Variants in STK33 observed in about 807,000 individuals in gnomAD.
STK33 encodes the protein serine/threonine-protein kinase 33.
STK33 carries 52 observed loss-of-function variants against 58.0 expected under a neutral mutation model. That is an observed-to-expected ratio of 0.90 (90% CI 0.72 to 1.13). STK33 has a LOEUF of 1.13. STK33 is among the 50% of genes most tolerant of loss of function. The pLI is 0.00. For missense variants in STK33, 630 were observed against 604.2 expected, an observed-to-expected ratio of 1.04 and a Z score of -0.45; for synonymous variants, 215 against 200.1, an observed-to-expected ratio of 1.07 and a Z score of -0.63.
intron 14 of STK33, among the ~76,000 whole-genome samples, chr11:8,415,880 T>TAGTC (rs1941047932): frequency 6.6e-6 from 1 of 152,118 alleles, no homozygotes; most frequent in South Asian, 2.1e-4. Context: ...TAAACAGCAT[T>TAGTC]AGTCCCCCAA....
At chr11:8,572,532 C>A (rs1957898166) in intron 1 of STK33, among the ~76,000 whole-genome samples, 1 of 152,034 alleles carries the variant, frequency 6.6e-6, no homozygotes, top group African/African-American at 2.4e-5. Flanking sequence ...ACATGTCTAA[C>A]AGGGTAGAGA....
intron 8 of STK33, among the ~76,000 whole-genome samples, chr11:8,457,869 C>A (rs753298678): frequency 6.6e-6 from 1 of 152,170 alleles, no homozygotes; most frequent in Non-Finnish European, 1.5e-5. Context: ...ATGGTATTTA[C>A]AAAGACTCCA....
chr11:8,543,487 C>A (rs986300684), intron 1 of STK33, among the ~76,000 whole-genome samples: 1 of 151,912 alleles, frequency 6.6e-6, no homozygotes, highest in Non-Finnish European at 1.5e-5. Flanking sequence ...GTGAAATAAA[C>A]CAGGCACAGA....
chr11:8,564,376 AC>A (rs1388909446), intron 1 of STK33, among the ~76,000 whole-genome samples: 7 of 152,230 alleles, frequency 4.6e-5, no homozygotes, highest in African/African-American at 1.4e-4. Context: ...CTCTGGCCTT[AC>A]GCAATTCTGC....
chr11:8,424,326 T>C (rs1942401905), intron 14 of STK33, among the ~76,000 whole-genome samples: 1 of 150,620 alleles, frequency 6.6e-6, no homozygotes, highest in African/African-American at 2.5e-5. Context: ...ACTCATCATT[T>C]TTTATGGCTG....
the STK33 span, among the ~76,000 whole-genome samples, chr11:8,367,377 G>T: frequency 6.6e-6 from 1 of 152,194 alleles, no homozygotes. Context: ...CCATGCTGAC[G>T]TGTGTTCACA....
chr11:8,348,435 A>G, the STK33 span, among the ~76,000 whole-genome samples: 1 of 152,096 alleles, frequency 6.6e-6, no homozygotes, highest in African/African-American at 2.4e-5. Context: ...CCCTTATAAA[A>G]CCATCAGGAT....
chr11:8,344,914 T>G, the STK33 span, among the ~76,000 whole-genome samples: 1 of 152,224 alleles, frequency 6.6e-6, no homozygotes, highest in East Asian at 1.9e-4. Flanking sequence ...TCCCAGTCCC[T>G]GGTCTTCTCA....
chr11:8,362,981 A>G, the STK33 span, among the ~76,000 whole-genome samples: 1 of 150,838 alleles, frequency 6.6e-6, no homozygotes, highest in African/African-American at 2.4e-5. Flanking sequence ...TGACAGGGTC[A>G]CGCACTGCAC....
At chr11:8,405,649 G>C (rs973954881) in intron 15 of STK33, among the ~76,000 whole-genome samples, 2 of 152,140 alleles carry the variant, frequency 1.3e-5, no homozygotes, top group Non-Finnish European at 1.5e-5. Flanking sequence ...ATGGAAGATA[G>C]TCTCTTATGT....
At chr11:8,507,692 T>C (rs1951973030) in intron 1 of STK33, among the ~76,000 whole-genome samples, 1 of 152,086 alleles carries the variant, frequency 6.6e-6, no homozygotes, top group African/African-American at 2.4e-5. Flanking sequence ...AATCAGAAAT[T>C]GATTGGGTAA....
At chr11:8,375,119 T>G in the STK33 span, among the ~76,000 whole-genome samples, 9 of 152,368 alleles carry the variant, frequency 5.9e-5, no homozygotes, top group East Asian at 3.9e-4. Context: ...CTTGCAAGGT[T>G]TGAAGAGATG....
intron 1 of STK33, among the ~76,000 whole-genome samples, chr11:8,487,439 AAAAG>A (rs1263950750): frequency 4.6e-5 from 7 of 151,098 alleles, no homozygotes; most frequent in Admixed American, 1.3e-4. Flanking sequence ...AAAAAAAAAA[AAAAG>A]AGAGAGAGAG....
chr11:8,542,890 T>C (rs1955631631), intron 1 of STK33, among the ~76,000 whole-genome samples: 2 of 152,262 alleles, frequency 1.3e-5, no homozygotes, highest in Admixed American at 6.5e-5. Context: ...TTGTATTTTT[T>C]TGTAGAAACG....
At chr11:8,507,620 G>A (rs1951962612) in intron 1 of STK33, among the ~76,000 whole-genome samples, 1 of 152,034 alleles carries the variant, frequency 6.6e-6, no homozygotes, top group South Asian at 2.1e-4. Flanking sequence ...ACTAAATAAG[G>A]GGGATGGGGG....
chr11:8,559,829 A>T (rs1255876195), intron 1 of STK33, among the ~76,000 whole-genome samples: 3 of 152,100 alleles, frequency 2.0e-5, no homozygotes, highest in Non-Finnish European at 2.9e-5. Context: ...ACATTCTAGA[A>T]ATTTTCTTTG....
chr11:8,498,794 C>G (rs1189908444), intron 1 of STK33, among the ~76,000 whole-genome samples: 3 of 152,182 alleles, frequency 2.0e-5, no homozygotes, highest in African/African-American at 7.2e-5. Context: ...CTACAATCAT[C>G]TGATCTTTGA....
chr11:8,484,867 A>G (rs377315806), intron 1 of STK33, among the ~76,000 whole-genome samples: 32 of 152,272 alleles, frequency 2.1e-4, no homozygotes, highest in Middle Eastern at 3.4e-3. Context: ...TGCCCAAGAA[A>G]AGGCAATAAG....
At chr11:8,430,559 G>A (rs1370756398) in intron 14 of STK33, among the ~76,000 whole-genome samples, 6 of 152,138 alleles carry the variant, frequency 3.9e-5, no homozygotes. Context: ...ACAAGTTTGT[G>A]CTGGGCTGTG....
Sources: allele counts gnomAD v4.1 joint callset (sites outside exome capture counted in the v4.1 genomes callset), GRCh38; gene constraint gnomAD v4.1.1; transcripts MANE v1.5; gene names NCBI Gene and HGNC (gene_info 2026-07-23, HGNC 2026-07-21).